Variants in CPA3 observed in about 807,000 individuals in gnomAD.
The protein encoded by CPA3 is carboxypeptidase A3, also known as mast cell carboxypeptidase A.
CPA3 carries 52 observed loss-of-function variants against 55.8 expected under a neutral mutation model. The observed-to-expected ratio is 0.93, with a 90% CI of 0.75 to 1.17. The LOEUF is 1.17. Ranked by LOEUF, CPA3 falls within the 50% of genes most tolerant of loss-of-function variation. The probability of loss-of-function intolerance (pLI) is 0.00; values close to 1 mark genes in which losing one functional copy is unlikely to be tolerated. For missense variants in CPA3, 547 were observed against 509.1 expected, an observed-to-expected ratio of 1.07 and a Z score of -0.72; for synonymous variants, 179 against 171.2, an observed-to-expected ratio of 1.05 and a Z score of -0.36.
intron 7 of CPA3, among the ~76,000 whole-genome samples, chr3:148,882,174 A>G (rs1422125927): frequency 6.6e-6 from 1 of 152,210 alleles, no homozygotes; most frequent in Non-Finnish European, 1.5e-5. Context: ...GAATCTATAT[A>G]TGGTGAACAA....
At chr3:148,892,455 C>A (rs1486991730) in intron 10 of CPA3, among the ~76,000 whole-genome samples, 1 of 151,946 alleles carries the variant, frequency 6.6e-6, no homozygotes, top group Non-Finnish European at 1.5e-5. Flanking sequence ...GAGTCCGAGA[C>A]CAGCCTGGCC....
rs748436457 is a variant in CPA3, at chr3:148,878,679, G to T, written c.405G>T (p.Lys135Asn). The change falls in exon 5 of 11, where the codon AAG becomes AAT. Residue 135 changes from lysine to asparagine, a missense_variant. Coordinates refer to ENST00000296046, the MANE Select transcript of CPA3 (RefSeq NM_001870.4). ...CTTGGACTGAAAAGATGATGGATAA[G>T]TATCCTGAAATGGTCTCTCGTATTA... is the stretch of plus-strand genomic sequence containing the variant. ...IVAWTEKMMD[K>N]YPEMVSRIKI... 5.0e-6 allele frequency: 8 copies of T among 1,611,976 alleles called. No homozygotes were observed. Among genetic ancestry groups the T allele is most frequent in the Non-Finnish European group, 6.8e-6 (8 of 1,178,718 alleles).
chr3:148,868,960 A>T lies in CPA3; in HGVS notation c.190A>T (p.Met64Leu), dbSNP rs759327749. 1 of 1,614,114 alleles carries T rather than the reference A, an allele frequency of 6.2e-7. No individual in the cohort carries two copies. Among genetic ancestry groups the T allele is most frequent in the Admixed American group, 1.7e-5 (1 of 60,022 alleles). The change falls in exon 3 of 11, where the codon ATG (methionine) becomes TTG (leucine). Residue 64 changes from methionine to leucine, a missense_variant. Coordinates refer to ENST00000296046, the MANE Select transcript of CPA3 (RefSeq NM_001870.4). The stretch of plus-strand genomic sequence containing the variant: ...TGCCACCCACCACGTAGCTGCTAAT[A>T]TGATGGTGGATTTCCGAGTTAGTGA... ...PGATHHVAAN[M>L]MVDFRVSEKE...
At position 148,896,835 on chromosome 3, in the gene CPA3, C is replaced by G. The variant is rs1434291195; in HGVS notation, c.*128C>G. 1.3e-6 allele frequency: 1 copy of G among 758,982 alleles called. No homozygotes were observed. The highest frequency in any genetic ancestry group is 2.0e-6 in the Non-Finnish European group (1 of 504,048). 47.0% of individuals were successfully genotyped at this position (758,982 alleles called of 1,614,324 possible). On this transcript the variant is annotated 3_prime_UTR_variant, in exon 11 of 11. Coordinates refer to ENST00000296046, the MANE Select transcript of CPA3 (RefSeq NM_001870.4). ...AATCCTTCTCTTGCTCATTTAAGTCCCATGTTACTGCTGTTTGCTTTTACT... is the reference window on the plus strand; with the variant it reads ...AATCCTTCTCTTGCTCATTTAAGTCGCATGTTACTGCTGTTTGCTTTTACT...
Position 148,896,500 on chromosome 3 carries a change from T to G in CPA3, c.1067-20T>G. ...TTAGCATTTGTCTCTAATTAAATAT[T>G]TACTGCTTGTGTTTTACAGACCCGA... On this transcript the variant is annotated intron_variant, in intron 10 of 10. Transcript: ENST00000296046. 6.7e-7 allele frequency: 1 copy of G among 1,494,874 alleles called. No homozygotes were observed. Among genetic ancestry groups the G allele is most frequent in the Non-Finnish European group, 9.0e-7 (1 of 1,107,182 alleles). 92.6% of individuals were successfully genotyped at this position (1,494,874 alleles called of 1,614,324 possible).
intron 2 of CPA3, among the ~76,000 whole-genome samples, chr3:148,868,370 C>T (rs1576578675): frequency 6.6e-6 from 1 of 152,080 alleles, no homozygotes; most frequent in Non-Finnish European, 1.5e-5. Context: ...CTCATTTGCC[C>T]CATTATTTCA....
Position 148,865,503 on chromosome 3 carries a change from T to G in CPA3, c.99T>G (p.Asp33Glu). 1 of 1,613,968 alleles carries G rather than the reference T, an allele frequency of 6.2e-7. No homozygotes were observed. The highest frequency in any genetic ancestry group is 1.1e-5 in the South Asian group (1 of 91,060). ...AGGTGTTCCGCGTGAAGCCCCAGGA[T>G]GAAAAACAAGCAGACATCATAAAGG... ...REKVFRVKPQ[D>E]EKQADIIKDL... The change falls in exon 2 of 11, where the codon GAT becomes GAG. Residue 33 changes from aspartate to glutamate, a missense_variant. Asp to Glu is a conservative substitution (Grantham distance 45, BLOSUM62 2). Coordinates refer to ENST00000296046, the MANE Select transcript of CPA3 (RefSeq NM_001870.4).
rs529280580 is a variant in CPA3 at position 148,868,136 on chromosome 3, C to A, written c.145-779C>A. 1.2e-3 allele frequency among the ~76,000 whole-genome samples: 178 copies of A among 152,230 alleles called. 1 individual carries two copies. The highest frequency in any genetic ancestry group is 4.1e-3 in the African/African-American group (170 of 41,554). ...TCTCGAACTCCCGACCTCAGGTGAT[C>A]CGCACCTCAGCCTTCCAAAGTGCTG... On this transcript the variant is annotated intron_variant, in intron 2 of 10. Coordinates refer to ENST00000296046, the MANE Select transcript of CPA3 (RefSeq NM_001870.4).
intron 6 of CPA3, among the ~76,000 whole-genome samples, chr3:148,880,495 C>A (rs1338400779): frequency 6.6e-6 from 1 of 152,008 alleles, no homozygotes; most frequent in East Asian, 1.9e-4. Flanking sequence ...CCATGCCTGG[C>A]TAATTTTTGT....
intron 3 of CPA3, among the ~76,000 whole-genome samples, chr3:148,878,178 T>C (rs1391096487): frequency 6.6e-6 from 1 of 152,210 alleles, no homozygotes; most frequent in East Asian, 1.9e-4. Flanking sequence ...AATCTACTCT[T>C]GGACAAGCCC....
intron 2 of CPA3, among the ~76,000 whole-genome samples, chr3:148,866,235 G>T (rs1487351012): frequency 1.3e-5 from 2 of 152,168 alleles, no homozygotes; most frequent in Admixed American, 1.3e-4. Context: ...AACTGGGTCT[G>T]GGATTTATTC....
intron 10 of CPA3, among the ~76,000 whole-genome samples, chr3:148,890,085 A>G (rs977150347): frequency 6.6e-6 from 1 of 152,162 alleles, no homozygotes; most frequent in African/African-American, 2.4e-5. Context: ...AGATACAGAA[A>G]TATTTCATCA....
intron 3 of CPA3, among the ~76,000 whole-genome samples, chr3:148,874,302 A>G (rs1274522705): frequency 6.6e-6 from 1 of 152,182 alleles, no homozygotes; most frequent in Non-Finnish European, 1.5e-5. Flanking sequence ...CCTGTGACTA[A>G]TTAATACTGC....
In CPA3 at chr3:148,896,520, A is replaced by T; in HGVS notation, c.1067A>T (p.Tyr356Phe). 1 of 1,505,930 alleles carries T rather than the reference A, an allele frequency of 6.6e-7. No individual in the cohort carries two copies. Among genetic ancestry groups the T allele is most frequent in the Non-Finnish European group, 9.0e-7 (1 of 1,109,194 alleles). 93.3% of individuals were successfully genotyped at this position (1,505,930 alleles called of 1,614,324 possible). ...YIYGPIESTI[Y>F]PISGSSLDWA... ...AATATTTACTGCTTGTGTTTTACAG[A>T]CCCGATATCAGGTTCTTCTTTAGAC... Residue 356 changes from tyrosine to phenylalanine, a missense_variant and splice_region_variant, in exon 11 of 11, where the codon TAC (tyrosine) becomes TTC (phenylalanine). Tyr to Phe is a conservative substitution (Grantham distance 22). Coordinates refer to ENST00000296046, the MANE Select transcript of CPA3 (RefSeq NM_001870.4).
chr3:148,879,761 C>A, intron 5 of CPA3, 27 bp from the exon 6 acceptor site: 1 of 1,486,550 alleles, frequency 6.7e-7, no homozygotes, highest in Non-Finnish European at 9.4e-7. Context: ...TTGTTCAAAA[C>A]AATATCTCAA....
At chr3:148,879,110 G>A (rs1225794291) in intron 5 of CPA3, among the ~76,000 whole-genome samples, 1 of 152,204 alleles carries the variant, frequency 6.6e-6, no homozygotes, top group Non-Finnish European at 1.5e-5. Context: ...TAGCATCATA[G>A]GACTGTAGAA....
At chr3:148,871,881 AT>A (rs1376316140) in intron 3 of CPA3, among the ~76,000 whole-genome samples, 1 of 152,214 alleles carries the variant, frequency 6.6e-6, no homozygotes, top group Non-Finnish European at 1.5e-5. Context: ...TATATAGATA[AT>A]TTTATTTGCA....
intron 3 of CPA3, among the ~76,000 whole-genome samples, chr3:148,873,769 C>T (rs1341283868): frequency 6.6e-6 from 1 of 152,098 alleles, no homozygotes; most frequent in Non-Finnish European, 1.5e-5. Flanking sequence ...TGGAAACTGG[C>T]CAAACCTTCA....
chr3:148,865,424 G>T (rs1165124535), intron 1 of CPA3, 49 bp downstream of exon 1: 1 of 1,613,304 alleles, frequency 6.2e-7, no homozygotes. Flanking sequence ...GAGAATTAAA[G>T]GTTGTTTCCT....
Sources: allele counts gnomAD v4.1 joint callset (sites outside exome capture counted in the v4.1 genomes callset), GRCh38; gene constraint gnomAD v4.1.1; transcripts MANE v1.5; gene names NCBI Gene and HGNC (gene_info 2026-07-23, HGNC 2026-07-21).